The following CDK14 variants were observed in gnomAD, a reference collection of about 807,000 sequenced individuals.
The protein encoded by CDK14 is cyclin-dependent kinase 14.
Under a neutral mutation model 60.7 loss-of-function variants are expected in CDK14, and 34 were observed. The observed-to-expected ratio is 0.56, with a 90% CI of 0.43 to 0.75. The LOEUF (loss-of-function observed/expected upper bound fraction) is 0.75. Ranked by LOEUF, CDK14 falls within the 30% of genes least tolerant of loss-of-function variation. The pLI, the probability that CDK14 is intolerant of heterozygous loss-of-function variation, is 0.00. For missense variants in CDK14, 482 were observed against 564.1 expected, an observed-to-expected ratio of 0.85 and a Z score of 1.47; for synonymous variants, 197 against 203.7, an observed-to-expected ratio of 0.97 and a Z score of 0.28.
At chr7:90,613,288 T>C (rs1799580588) in intron 2 of CDK14, among the ~76,000 whole-genome samples, 1 of 152,218 alleles carries the variant, frequency 6.6e-6, no homozygotes, top group African/African-American at 2.4e-5. Flanking sequence ...AGTGTCCTCT[T>C]TCCGTTGTGA....
intron 12 of CDK14, among the ~76,000 whole-genome samples, chr7:91,082,536 A>T (rs1052291158): frequency 6.6e-6 from 1 of 152,200 alleles, no homozygotes; most frequent in African/African-American, 2.4e-5. Flanking sequence ...ATACAGAGAC[A>T]TTTAAACAAA....
intron 5 of CDK14, among the ~76,000 whole-genome samples, chr7:90,811,416 G>T (rs1339910011): frequency 6.6e-6 from 1 of 152,114 alleles, no homozygotes; most frequent in African/African-American, 2.4e-5. Flanking sequence ...CTAGCCATAT[G>T]CAGAAAGCTG....
chr7:90,862,629 A>G (rs1251575755), intron 5 of CDK14, among the ~76,000 whole-genome samples: 1 of 152,154 alleles, frequency 6.6e-6, no homozygotes, highest in Non-Finnish European at 1.5e-5. Flanking sequence ...GGATATATTA[A>G]TAGAAGAACT....
At chr7:90,740,144 A>C (rs1803280925) in intron 3 of CDK14, among the ~76,000 whole-genome samples, 1 of 148,518 alleles carries the variant, frequency 6.7e-6, no homozygotes. Flanking sequence ...AAAAAAAAAA[A>C]CTTACACCCT....
At chr7:91,028,054 T>C (rs993982911) in intron 10 of CDK14, among the ~76,000 whole-genome samples, 2 of 147,614 alleles carry the variant, frequency 1.4e-5, no homozygotes, top group Admixed American at 1.4e-4. Context: ...CTCTCATCCT[T>C]CCTGCTTCTG....
chr7:91,158,138 C>T (rs1801043395), intron 14 of CDK14, among the ~76,000 whole-genome samples: 1 of 147,280 alleles, frequency 6.8e-6, no homozygotes, highest in South Asian at 2.1e-4. Flanking sequence ...ACATTATATA[C>T]ATTATACATA....
intron 10 of CDK14, among the ~76,000 whole-genome samples, chr7:91,008,143 A>AAC (rs1189589096): frequency 1.5e-5 from 2 of 136,968 alleles, no homozygotes; most frequent in African/African-American, 5.6e-5. Flanking sequence ...AAAAAAAAAA[A>AAC]AACAAACAAA....
chr7:90,799,740 G>A (rs1788567859), intron 5 of CDK14, among the ~76,000 whole-genome samples: 1 of 146,354 alleles, frequency 6.8e-6, no homozygotes, highest in Admixed American at 6.8e-5. Flanking sequence ...CAATCATACG[G>A]CAGAGCCTAT....
At chr7:90,621,698 T>C (rs1377796856) in intron 2 of CDK14, among the ~76,000 whole-genome samples, 4 of 152,040 alleles carry the variant, frequency 2.6e-5, no homozygotes, top group Non-Finnish European at 5.9e-5. Context: ...CCTTCCTTCC[T>C]TCCTTCCTTT....
intron 14 of CDK14, among the ~76,000 whole-genome samples, chr7:91,162,218 A>G (rs746994613): frequency 6.6e-6 from 1 of 152,186 alleles, no homozygotes; most frequent in Non-Finnish European, 1.5e-5. Context: ...GATTCTGACA[A>G]TTTTCCCTTT....
chr7:90,915,894 T>C (rs1005072055), intron 7 of CDK14, among the ~76,000 whole-genome samples: 5 of 152,242 alleles, frequency 3.3e-5, no homozygotes, highest in African/African-American at 1.2e-4. Flanking sequence ...CATAGTGTTA[T>C]GTATTCATTA....
rs186571671 is a variant in CDK14, at chr7:91,186,500, A to G, written c.*29-20665A>G. Among the ~76,000 whole-genome samples, 15 of 151,564 alleles carry G rather than the reference A, an allele frequency of 9.9e-5. 1 individual carries two copies. In the East Asian group the frequency reaches 2.0e-3, roughly 20 times the overall value. Reference sequence around the variant, plus strand: ...ACAAGGATCCCAACTTCTCCCCATTATCATTGATCTTAGATAGGCCAATTG... The same window carrying G: ...ACAAGGATCCCAACTTCTCCCCATTGTCATTGATCTTAGATAGGCCAATTG... On this transcript the variant is annotated intron_variant, in intron 14 of 14. Coordinates refer to ENST00000380050, the MANE Select transcript of CDK14 (RefSeq NM_001287135.2).
intron 14 of CDK14, among the ~76,000 whole-genome samples, chr7:91,128,941 C>T (rs76894484): frequency 6.6e-6 from 1 of 152,276 alleles, no homozygotes; most frequent in Non-Finnish European, 1.5e-5. Flanking sequence ...GTTTATCATA[C>T]TCTTTGTTGA....
At chr7:90,753,397 C>CGG (rs1803925714) in intron 4 of CDK14, among the ~76,000 whole-genome samples, 1 of 152,154 alleles carries the variant, frequency 6.6e-6, no homozygotes, top group Non-Finnish European at 1.5e-5. Flanking sequence ...ATTTGATCAT[C>CGG]TCAGTCGATT....
rs1415208932 is a variant in CDK14 at position 91,174,037 on chromosome 7, C to G, written c.*29-33128C>G. Reference sequence around the variant, plus strand: ...ACAAACAAAAAGATAGCAGTAACCTCCGCAGACTTAAATGTCCCTGTATGA... The same window carrying G: ...ACAAACAAAAAGATAGCAGTAACCTGCGCAGACTTAAATGTCCCTGTATGA... On this transcript the variant is annotated intron_variant, in intron 14 of 14. Coordinates refer to ENST00000380050, the MANE Select transcript of CDK14 (RefSeq NM_001287135.2). 6.6e-5 allele frequency among the ~76,000 whole-genome samples: 10 copies of G among 152,308 alleles called. 2 individuals carry two copies. The highest frequency in any genetic ancestry group is 2.4e-4 in the African/African-American group (10 of 41,578).
At chr7:90,683,489 A>C (rs1457170664) in intron 2 of CDK14, among the ~76,000 whole-genome samples, 1 of 152,098 alleles carries the variant, frequency 6.6e-6, no homozygotes, top group Non-Finnish European at 1.5e-5. Flanking sequence ...ATTCCTCTGC[A>C]TGGGGAATGC....
At chr7:90,755,678 G>A (rs1365030448) in intron 4 of CDK14, among the ~76,000 whole-genome samples, 1 of 152,058 alleles carries the variant, frequency 6.6e-6, no homozygotes, top group Non-Finnish European at 1.5e-5. Flanking sequence ...AGCATGATAA[G>A]GGATAAAAAA....
At chr7:90,809,566 G>C (rs560068932) in intron 5 of CDK14, among the ~76,000 whole-genome samples, 41 of 152,246 alleles carry the variant, frequency 2.7e-4, no homozygotes, top group Admixed American at 1.3e-3. Flanking sequence ...AAAAGAACTA[G>C]AGAAGCAAGA....
At chr7:90,792,633 G>A (rs891757658) in intron 5 of CDK14, among the ~76,000 whole-genome samples, 9 of 152,076 alleles carry the variant, frequency 5.9e-5, no homozygotes, top group African/African-American at 2.2e-4. Flanking sequence ...CCTGAAATCT[G>A]TCCACGTTCT....
Sources: allele counts gnomAD v4.1 joint callset (sites outside exome capture counted in the v4.1 genomes callset), GRCh38; gene constraint gnomAD v4.1.1; transcripts MANE v1.5; gene names NCBI Gene and HGNC (gene_info 2026-07-23, HGNC 2026-07-21).